Variants in PCDH11Y observed in about 807,000 individuals in gnomAD.
PCDH11Y encodes the protein protocadherin 11 Y-linked.
For synonymous variants in PCDH11Y, 9 were observed against 83.6 expected, an observed-to-expected ratio of 0.11 and a Z score of 4.87; for missense variants, 12 against 224.8, an observed-to-expected ratio of 0.05 and a Z score of 6.05.
chrY:5,347,969 C>T, intron 2 of PCDH11Y, among the ~76,000 whole-genome samples: 2 of 32,887 alleles, frequency 6.1e-5, no homozygotes, highest in Non-Finnish European at 1.5e-4. Context: ...GGTATCATAT[C>T]CTATGGTATT....
At chrY:5,515,694 AAAC>A in intron 3 of PCDH11Y, among the ~76,000 whole-genome samples, 1 of 33,487 alleles carries the variant, frequency 3.0e-5, no homozygotes, top group Non-Finnish European at 7.4e-5. Context: ...CCAGTAACCA[AAAC>A]AACATGGTAC....
At chrY:5,254,220 T>C in intron 2 of PCDH11Y, among the ~76,000 whole-genome samples, 1 of 33,831 alleles carries the variant, frequency 3.0e-5, no homozygotes, top group African/African-American at 1.1e-4. Flanking sequence ...TATGCTGTTT[T>C]AGGAAACTTT....
intron 2 of PCDH11Y, among the ~76,000 whole-genome samples, chrY:5,286,946 G>A: frequency 3.0e-5 from 1 of 32,877 alleles, no homozygotes; most frequent in African/African-American, 1.2e-4. Context: ...TTCATTAGGA[G>A]TATTAGAGTG....
intron 4 of PCDH11Y, among the ~76,000 whole-genome samples, chrY:5,591,526 C>T (rs2053461706): frequency 3.3e-5 from 1 of 30,619 alleles, no homozygotes; most frequent in Non-Finnish European, 7.8e-5. Flanking sequence ...TCTCATTTTC[C>T]TTCAGTTCAG....
intron 2 of PCDH11Y, among the ~76,000 whole-genome samples, chrY:5,327,590 T>C: frequency 6.2e-5 from 2 of 32,356 alleles, no homozygotes; most frequent in African/African-American, 2.4e-4. Flanking sequence ...AATGGGCATG[T>C]GATCGGTTGC....
At chrY:5,695,076 T>TACAC (rs563664942) in intron 4 of PCDH11Y, among the ~76,000 whole-genome samples, 837 of 24,840 alleles carry the variant, frequency 0.034, no homozygotes, top group Middle Eastern at 0.19. Context: ...ACCTGGTGTA[T>TACAC]ACACACACAC....
chrY:5,699,610 G>T, intron 4 of PCDH11Y, among the ~76,000 whole-genome samples: 1 of 33,431 alleles, frequency 3.0e-5, no homozygotes, highest in African/African-American at 1.2e-4. Context: ...CCACTGTGCG[G>T]TGCTGTGGGG....
At chrY:5,326,057 G>C (rs2053119634) in intron 2 of PCDH11Y, among the ~76,000 whole-genome samples, 1 of 32,717 alleles carries the variant, frequency 3.1e-5, no homozygotes, top group African/African-American at 1.2e-4. Flanking sequence ...GGATATAAAG[G>C]TTTCACTGAA....
chrY:5,136,967 C>T, intron 2 of PCDH11Y, among the ~76,000 whole-genome samples: 9 of 32,876 alleles, frequency 2.7e-4, no homozygotes, highest in Admixed American at 2.5e-3. Context: ...ACACAAGAAG[C>T]TCAAAGAACA....
chrY:5,082,903 C>T, intron 1 of PCDH11Y, among the ~76,000 whole-genome samples: 1 of 31,203 alleles, frequency 3.2e-5, no homozygotes, highest in Non-Finnish European at 7.8e-5. Flanking sequence ...CACTGTGCTG[C>T]ACTGTGGAGA....
intron 2 of PCDH11Y, among the ~76,000 whole-genome samples, chrY:5,173,114 C>T: frequency 3.0e-5 from 1 of 33,004 alleles, no homozygotes; most frequent in African/African-American, 1.2e-4. Context: ...TGATAAATCA[C>T]TCGGCTTCTA....
At chrY:5,426,260 G>T in intron 2 of PCDH11Y, among the ~76,000 whole-genome samples, 3 of 33,091 alleles carry the variant, frequency 9.1e-5, no homozygotes, top group Non-Finnish European at 2.2e-4. Flanking sequence ...ATTCTGTAGA[G>T]TAAATAAGCA....
intron 3 of PCDH11Y, among the ~76,000 whole-genome samples, chrY:5,532,179 GT>G (rs2053394134): frequency 4.7e-4 from 13 of 27,799 alleles, no homozygotes; most frequent in African/African-American, 1.8e-3. Flanking sequence ...GTTGTATTGG[GT>G]TTTTTTTTTC....
At chrY:5,660,977 C>T in intron 4 of PCDH11Y, among the ~76,000 whole-genome samples, 1 of 30,637 alleles carries the variant, frequency 3.3e-5, no homozygotes, top group Non-Finnish European at 7.9e-5. Flanking sequence ...AGTTCGAGAC[C>T]AGCTTGGTCA....
At chrY:5,266,718 A>G in intron 2 of PCDH11Y, among the ~76,000 whole-genome samples, 1 of 32,321 alleles carries the variant, frequency 3.1e-5, no homozygotes, top group Non-Finnish European at 7.5e-5. Flanking sequence ...CATGCAATCC[A>G]TTAAAATTTA....
At chrY:5,515,967 G>C in intron 3 of PCDH11Y, among the ~76,000 whole-genome samples, 1 of 33,680 alleles carries the variant, frequency 3.0e-5, no homozygotes, top group South Asian at 6.4e-4. Flanking sequence ...TAAAACCCTG[G>C]AATACAGCCT....
intron 2 of PCDH11Y, among the ~76,000 whole-genome samples, chrY:5,420,108 C>A (rs2053256394): frequency 3.2e-5 from 1 of 31,319 alleles, no homozygotes; most frequent in Non-Finnish European, 7.7e-5. Flanking sequence ...TATTTTGCTG[C>A]ACTTATCCAG....
chrY:5,531,662 C>G, intron 3 of PCDH11Y, among the ~76,000 whole-genome samples: 4 of 32,362 alleles, frequency 1.2e-4, no homozygotes, highest in Admixed American at 1.2e-3. Context: ...TGCCCCTTTT[C>G]ATTATCTCCC....
At chrY:5,697,277 T>C in intron 4 of PCDH11Y, among the ~76,000 whole-genome samples, 1 of 28,525 alleles carries the variant, frequency 3.5e-5, no homozygotes, top group African/African-American at 1.4e-4. Context: ...CTGAGGTCTA[T>C]TGGGGGATGG....
Sources: allele counts gnomAD v4.1 joint callset (sites outside exome capture counted in the v4.1 genomes callset), GRCh38; gene constraint gnomAD v4.1.1; transcripts MANE v1.5; gene names NCBI Gene and HGNC (gene_info 2026-07-23, HGNC 2026-07-21).